The following JAGN1 variants were observed in gnomAD, a reference collection of about 807,000 sequenced individuals.
JAGN1 encodes the protein jagunal vesicle mediated transporter 1.
In JAGN1, 13 loss-of-function variants were observed where a neutral mutation model predicts 17.1. The ratio of observed to expected loss-of-function variants is 0.76; its 90% CI spans 0.49 to 1.21. The LOEUF (loss-of-function observed/expected upper bound fraction) is 1.21, where lower values mean the gene tolerates loss of function less well. Among genes scored for constraint, JAGN1 ranks in the 50% most tolerant of loss-of-function variants. The pLI, the probability that JAGN1 is intolerant of heterozygous loss-of-function variation, is 0.00. For synonymous variants in JAGN1, 111 were observed against 91.0 expected, an observed-to-expected ratio of 1.22 and a Z score of -1.25; for missense variants, 256 against 234.2, an observed-to-expected ratio of 1.09 and a Z score of -0.61.
intron 1 of JAGN1, among the ~76,000 whole-genome samples, chr3:9,891,101 C>A (rs113534171): frequency 2.0e-5 from 3 of 152,390 alleles, no homozygotes; most frequent in African/African-American, 7.2e-5. Flanking sequence ...CCCGCTGTAT[C>A]ACCTTCGAAA....
Position 9,890,705 on chromosome 3 carries a change from G to A in JAGN1, c.-18G>A. On this transcript the variant is annotated 5_prime_UTR_variant, in exon 1 of 2. Transcript: ENST00000647897. ...TACCAGGTCCGCGTGAGGGGTTCGG[G>A]GGTTCTGGGCAGGCACAATGGCGTC... The A allele has an allele frequency of 6.2e-7, 1 of 1,600,290 alleles. No homozygotes were observed. The highest frequency in any genetic ancestry group is 8.5e-7 in the Non-Finnish European group (1 of 1,174,354).
chr3:9,890,914 GC>G (rs1266297568), intron 1 of JAGN1, 103 bp downstream of exon 1: 1 of 1,018,384 alleles, frequency 9.8e-7, no homozygotes, highest in Non-Finnish European at 1.4e-6. Flanking sequence ...TCCCCAGCCA[GC>G]CCCCGCTCAC....
Position 9,893,495 on chromosome 3 carries a change from G to A in JAGN1, c.*118G>A. On this transcript the variant is annotated 3_prime_UTR_variant, in exon 2 of 2. Transcript: ENST00000647897. ...GATGTTGGTACCTGGTGCAGACCAGGCCAAAGTTCTGGAAAGCTCCTTTTG... is the reference window on the plus strand; with the variant it reads ...GATGTTGGTACCTGGTGCAGACCAGACCAAAGTTCTGGAAAGCTCCTTTTG... The A allele has an allele frequency of 2.4e-6, 2 of 824,416 alleles. No individual in the cohort carries two copies. The highest frequency in any genetic ancestry group is 3.7e-6 in the Non-Finnish European group (2 of 541,826). 51.1% of individuals were successfully genotyped at this position (824,416 alleles called of 1,614,324 possible).
chr3:9,890,890 C>T, intron 1 of JAGN1, 79 bp downstream of exon 1: 2 of 1,271,792 alleles, frequency 1.6e-6, no homozygotes, highest in Non-Finnish European at 1.1e-6. Context: ...GCCGGCCCGG[C>T]CTCAGGGTCT....
chr3:9,893,695 T>G lies in JAGN1; in HGVS notation c.*318T>G. On this transcript the variant is annotated 3_prime_UTR_variant, in exon 2 of 2. Coordinates refer to ENST00000647897, the MANE Select transcript of JAGN1 (RefSeq NM_032492.4). Reference sequence around the variant, plus strand: ...CTCCCCATTTCCATCCATTACCCCTTAGCCATTGAGACTAAAGGAAATAGG... The same window carrying G: ...CTCCCCATTTCCATCCATTACCCCTGAGCCATTGAGACTAAAGGAAATAGG... 1 of 304,340 alleles carries G rather than the reference T, an allele frequency of 3.3e-6. No homozygotes were observed. Among genetic ancestry groups the G allele is most frequent in the East Asian group, 6.8e-5 (1 of 14,608 alleles). 18.9% of individuals were successfully genotyped at this position (304,340 alleles called of 1,614,324 possible).
At chr3:9,892,331 T>C (rs994151138) in intron 1 of JAGN1, among the ~76,000 whole-genome samples, 5 of 144,016 alleles carry the variant, frequency 3.5e-5, no homozygotes, top group Non-Finnish European at 7.6e-5. Context: ...TTTTTATTAG[T>C]AGTATTGTTG....
At position 9,890,929 on chromosome 3, in the gene JAGN1, C is replaced by G. The variant is rs2082558440; in HGVS notation, c.89+118C>G. The G allele has an allele frequency of 4.7e-6, 4 of 852,936 alleles. No individual in the cohort carries two copies. The South Asian group carries it at 5.1e-5, about 11-fold the overall frequency. The allele number at this position is 852,936 out of a possible 1,614,324, so 52.8% of individuals were successfully genotyped here. On this transcript the variant is annotated intron_variant, in intron 1 of 1. Transcript: ENST00000647897. ...TCCCCAGCCAGCCCCCGCTCACCTG[C>G]CAAGTCCCCTCCTCCCGTGACGGCT...
intron 1 of JAGN1, 62 bp downstream of exon 1, chr3:9,890,873 G>T: frequency 1.4e-6 from 2 of 1,397,282 alleles, no homozygotes; most frequent in African/African-American, 1.4e-5. Flanking sequence ...GGGGCTTGGG[G>T]AGCGACGCCG....
chr3:9,890,710 C>G lies in JAGN1; in HGVS notation c.-13C>G. ...GGTCCGCGTGAGGGGTTCGGGGGTT[C>G]TGGGCAGGCACAATGGCGTCTCGAG... On this transcript the variant is annotated 5_prime_UTR_variant, in exon 1 of 2. Transcript: ENST00000647897. The G allele has an allele frequency of 1.2e-6, 2 of 1,603,166 alleles. No homozygotes were observed. The highest frequency in any genetic ancestry group is 3.4e-5 in the Admixed American group (2 of 58,078).
intron 1 of JAGN1, among the ~76,000 whole-genome samples, chr3:9,892,357 A>G (rs1257564587): frequency 1.0e-5 from 1 of 96,562 alleles, no homozygotes; most frequent in African/African-American, 3.9e-5. Context: ...TTTTTTTTTT[A>G]TGGAGATGGG....
rs147954149 is a variant in JAGN1 at position 9,893,490 on chromosome 3, A to G, written c.*113A>G. 2,202 of 856,104 alleles carry G rather than the reference A, an allele frequency of 2.6e-3. 7 individuals carry two copies. Among genetic ancestry groups the G allele is most frequent in the Non-Finnish European group, 2.8e-3 (1,574 of 568,890 alleles). 53.0% of individuals were successfully genotyped at this position (856,104 alleles called of 1,614,324 possible). A position where few individuals can be genotyped will look rare whatever the true frequency, so the allele number is the denominator to read the frequency against. ...GCTGTGATGTTGGTACCTGGTGCAG[A>G]CCAGGCCAAAGTTCTGGAAAGCTCC... On this transcript the variant is annotated 3_prime_UTR_variant, in exon 2 of 2. Coordinates refer to ENST00000647897, the MANE Select transcript of JAGN1 (RefSeq NM_032492.4).
At chr3:9,892,714 G>T in intron 1 of JAGN1, 1 of 571,286 alleles carries the variant, frequency 1.8e-6, no homozygotes. Flanking sequence ...TCCTTCCTGT[G>T]ATCCCATATA....
At chr3:9,892,753 T>C in intron 1 of JAGN1, 162 bp from the exon 2 acceptor site, 2 of 600,406 alleles carry the variant, frequency 3.3e-6, no homozygotes, top group East Asian at 2.8e-5. Flanking sequence ...CTAGAACTTT[T>C]TCACTTCATT....
chr3:9,893,323 C>T lies in JAGN1; in HGVS notation c.498C>T (p.Ser166=), dbSNP rs61738795. ...TGCATGCCTGGCAGTTGTACTACAG[C>T]AAGAAGCTCCTAGACTCTTGGTTCA... ...VQVHAWQLYY[S]KKLLDSWFTS... The change falls in exon 2 of 2, where the codon AGC becomes AGT. Residue 166 remains serine, a synonymous_variant. Coordinates refer to ENST00000647897, the MANE Select transcript of JAGN1 (RefSeq NM_032492.4). 1,114 of 1,614,148 alleles carry T rather than the reference C, an allele frequency of 6.9e-4. 5 individuals carry two copies. In the African/African-American group the frequency reaches 0.013, roughly 19 times the overall value.
rs373761568 is a variant in JAGN1 at position 9,892,712 on chromosome 3, G to C, written c.90-203G>C. On this transcript the variant is annotated intron_variant, in intron 1 of 1. Transcript: ENST00000647897. ...CAGGCAGAGTTGATTCCTCCTTCCT[G>C]TGATCCCATATATCTGGGAACATAT... is the stretch of plus-strand genomic sequence containing the variant. 39 of 569,190 alleles carry C rather than the reference G, an allele frequency of 6.9e-5. No individual in the cohort carries two copies. The Admixed American group carries it at 8.3e-4, about 12-fold the overall frequency. The allele number at this position is 569,190 out of a possible 1,614,324, so 35.3% of individuals were successfully genotyped here. A position where few individuals can be genotyped will look rare whatever the true frequency, so the allele number is the denominator to read the frequency against.
At position 9,894,176 on chromosome 3, in the gene JAGN1, T is replaced by A. The variant is rs1397952601; in HGVS notation, c.*799T>A. ...TATCAGTTATGAGTCTACTACTGTATAATGGCATCCAAAAGAATTTTAAAG... is the reference window on the plus strand; with the variant it reads ...TATCAGTTATGAGTCTACTACTGTAAAATGGCATCCAAAAGAATTTTAAAG... On this transcript the variant is annotated 3_prime_UTR_variant, in exon 2 of 2. Coordinates refer to ENST00000647897, the MANE Select transcript of JAGN1 (RefSeq NM_032492.4). 6.6e-6 allele frequency: 1 copy of A among 152,234 alleles called. No homozygotes were observed. The highest frequency in any genetic ancestry group is 1.5e-5 in the Non-Finnish European group (1 of 68,042). The allele number at this position is 152,234 out of a possible 1,614,324, so 9.4% of individuals were successfully genotyped here. A position where few individuals can be genotyped will look rare whatever the true frequency, so the allele number is the denominator to read the frequency against.
intron 1 of JAGN1, among the ~76,000 whole-genome samples, chr3:9,892,217 C>T (rs1198538914): frequency 6.6e-6 from 1 of 152,040 alleles, no homozygotes; most frequent in Non-Finnish European, 1.5e-5. Context: ...AGGGTTTCAC[C>T]GTGTCAGCCA....
In JAGN1 at chr3:9,893,152, C is replaced by T. The variant is rs774976908; in HGVS notation, c.327C>T (p.Leu109=). Residue 109 remains leucine, a synonymous_variant, in exon 2 of 2, where the codon CTC becomes CTT. Coordinates refer to ENST00000647897, the MANE Select transcript of JAGN1 (RefSeq NM_032492.4). ...TGCTCTCCATGATCAGCATGGGACT[C>T]TTTTCCATCGCTCCACTCATTTATG... ...YLVLSMISMG[L]FSIAPLIYGS... is the part of the protein sequence containing the mutation. 20 of 1,614,114 alleles carry T rather than the reference C, an allele frequency of 1.2e-5. No homozygotes were observed. The highest frequency in any genetic ancestry group is 1.6e-5 in the Non-Finnish European group (19 of 1,180,044).
At chr3:9,891,273 G>A (rs1402641202) in intron 1 of JAGN1, among the ~76,000 whole-genome samples, 1 of 152,166 alleles carries the variant, frequency 6.6e-6, no homozygotes, top group Non-Finnish European at 1.5e-5. Context: ...CCGTTTGGGG[G>A]GATATAGACA....
Sources: gnomAD v4.1 joint callset for allele counts (sites outside exome capture counted in the v4.1 genomes callset) on GRCh38, gnomAD v4.1.1 for gene constraint, MANE v1.5 for transcripts, NCBI Gene and HGNC (gene_info 2026-07-23, HGNC 2026-07-21) for gene names.